CLPB: variants seen among roughly 807,000 people sequenced by gnomAD.
CLPB encodes the protein mitochondrial disaggregase.
Under a neutral mutation model 78.4 loss-of-function variants are expected in CLPB, and 40 were observed. The observed-to-expected ratio is 0.51, with a 90% confidence interval of 0.40 to 0.66. CLPB has a LOEUF of 0.66. Among genes scored for constraint, CLPB ranks in the 30% least tolerant of loss-of-function variants. CLPB has a pLI of 0.00. For synonymous variants in CLPB, 333 were observed against 348.0 expected, an observed-to-expected ratio of 0.96 and a Z score of 0.48; for missense variants, 780 against 886.9, an observed-to-expected ratio of 0.88 and a Z score of 1.53.
chr11:72,420,498 G>GA (rs546331590), intron 2 of CLPB, among the ~76,000 whole-genome samples: 1,579 of 142,180 alleles, frequency 0.011, 18 homozygotes, highest in African/African-American at 0.034. Flanking sequence ...CATCTCAGGG[G>GA]AAAAAAAAAA....
In CLPB at chr11:72,403,023, GCATTGA is replaced by G. The variant is rs1333055579; in HGVS notation, c.479_484del (p.Val160_Asn161del). The G allele has an allele frequency of 1.2e-6, 2 of 1,613,502 alleles. No individual in the cohort carries two copies. Among genetic ancestry groups the G allele is most frequent in the Non-Finnish European group, 1.7e-6 (2 of 1,180,040 alleles). Reference sequence around the variant, plus strand: ...TGCTGTCCAGCCAAGTCTGTGCTTTGCATTGACATCTGCACCTTCTGACAACAGCCT... The same window carrying G: ...TGCTGTCCAGCCAAGTCTGTGCTTTGCATCTGCACCTTCTGACAACAGCCT... On this transcript the variant is annotated inframe_deletion, in exon 3 of 16. Transcript: ENST00000538039.
At chr11:72,424,873 G>A (rs1282497827) in intron 2 of CLPB, among the ~76,000 whole-genome samples, 1 of 151,752 alleles carries the variant, frequency 6.6e-6, no homozygotes, top group Admixed American at 6.6e-5. Context: ...GGGACAGAAT[G>A]AGACTCCGTC....
chr11:72,414,830 G>A (rs1254730787), intron 2 of CLPB, among the ~76,000 whole-genome samples: 1 of 152,204 alleles, frequency 6.6e-6, no homozygotes, highest in Non-Finnish European at 1.5e-5. Context: ...CATTTCTTGA[G>A]CTGCCTACTA....
intron 13 of CLPB, 35 bp from the exon 14 acceptor site, chr11:72,294,479 T>C: frequency 6.2e-7 from 1 of 1,613,572 alleles, no homozygotes; most frequent in Non-Finnish European, 8.5e-7. Flanking sequence ...ATGAGCTCAG[T>C]GACCCAGAGC....
chr11:72,372,732 G>A (rs766581263), intron 4 of CLPB, among the ~76,000 whole-genome samples: 2 of 152,144 alleles, frequency 1.3e-5, no homozygotes, highest in African/African-American at 4.8e-5. Context: ...TTATTTCCTT[G>A]GGAGCCTTAT....
At chr11:72,383,400 G>A (rs1037466520) in intron 3 of CLPB, among the ~76,000 whole-genome samples, 6 of 151,392 alleles carry the variant, frequency 4.0e-5, no homozygotes, top group East Asian at 1.9e-4. Flanking sequence ...GCGTGGTGGC[G>A]GGCGCCTGTA....
intron 2 of CLPB, among the ~76,000 whole-genome samples, chr11:72,404,515 A>G (rs1855648447): frequency 6.6e-6 from 1 of 152,238 alleles, no homozygotes; most frequent in African/African-American, 2.4e-5. Flanking sequence ...TTTCGAAGGC[A>G]CTGTCAAAGC....
intron 5 of CLPB, among the ~76,000 whole-genome samples, chr11:72,356,200 G>A (rs1043277922): frequency 6.6e-6 from 1 of 151,496 alleles, no homozygotes; most frequent in East Asian, 1.9e-4. Flanking sequence ...TAGGAGAATC[G>A]CTTGAAGGCG....
chr11:72,307,316 GAAT>G (rs1294067617), intron 8 of CLPB, 62 bp from the exon 9 acceptor site: 4 of 1,348,432 alleles, frequency 3.0e-6, no homozygotes, highest in African/African-American at 1.4e-5. Context: ...TGGAATGAAA[GAAT>G]ACTAGAAATG....
chr11:72,347,292 A>C (rs1950534103), intron 5 of CLPB, among the ~76,000 whole-genome samples: 1 of 152,156 alleles, frequency 6.6e-6, no homozygotes, highest in Admixed American at 6.5e-5. Flanking sequence ...CTCTGTCTCT[A>C]CAAAATTATT....
At chr11:72,377,095 T>C (rs1419492323) in intron 4 of CLPB, among the ~76,000 whole-genome samples, 1 of 152,086 alleles carries the variant, frequency 6.6e-6, no homozygotes, top group Admixed American at 6.5e-5. Flanking sequence ...GACAGGAAAA[T>C]ACGACAAATG....
intron 3 of CLPB, among the ~76,000 whole-genome samples, chr11:72,394,857 T>C (rs1355431407): frequency 6.6e-6 from 1 of 152,180 alleles, no homozygotes; most frequent in Non-Finnish European, 1.5e-5. Context: ...TGGGGAATAC[T>C]GGGTACTGTC....
At chr11:72,296,570 T>A (rs577631387) in intron 11 of CLPB, among the ~76,000 whole-genome samples, 1 of 152,224 alleles carries the variant, frequency 6.6e-6, no homozygotes, top group Non-Finnish European at 1.5e-5. Context: ...GCACTTTATG[T>A]CATTTATAAC....
At chr11:72,405,895 G>A (rs866032318) in intron 2 of CLPB, among the ~76,000 whole-genome samples, 27 of 151,360 alleles carry the variant, frequency 1.8e-4, no homozygotes, top group African/African-American at 5.8e-4. Flanking sequence ...ACCACTGCAC[G>A]CCAGCCCGGG....
intron 3 of CLPB, among the ~76,000 whole-genome samples, chr11:72,386,187 T>C (rs1203134767): frequency 1.3e-5 from 2 of 151,736 alleles, no homozygotes; most frequent in Non-Finnish European, 2.9e-5. Context: ...AAACAGAAAA[T>C]AGAATCACAC....
At chr11:72,378,757 T>G (rs1854802069) in intron 4 of CLPB, among the ~76,000 whole-genome samples, 1 of 152,094 alleles carries the variant, frequency 6.6e-6, no homozygotes, top group African/African-American at 2.4e-5. Context: ...AATTCTCTGT[T>G]TAAAACATAA....
At chr11:72,331,355 G>C (rs991999990) in intron 5 of CLPB, among the ~76,000 whole-genome samples, 2 of 150,664 alleles carry the variant, frequency 1.3e-5, no homozygotes, top group African/African-American at 4.9e-5. Flanking sequence ...AGTGAGCAGA[G>C]ATCGCGCCAC....
At chr11:72,407,957 A>C in intron 2 of CLPB, 1 of 629,062 alleles carries the variant, frequency 1.6e-6, no homozygotes, top group Non-Finnish European at 2.8e-6. Flanking sequence ...TCTGCCACCT[A>C]CTATTCTAAC....
intron 3 of CLPB, among the ~76,000 whole-genome samples, chr11:72,390,921 CTGG>C (rs1354150248): frequency 1.3e-5 from 2 of 152,174 alleles, no homozygotes; most frequent in East Asian, 3.8e-4. Context: ...GTGTCCACCA[CTGG>C]GGGGACAGAT....
Sources: gnomAD v4.1 joint callset for allele counts (sites outside exome capture counted in the v4.1 genomes callset) on GRCh38, gnomAD v4.1.1 for gene constraint, MANE v1.5 for transcripts, NCBI Gene and HGNC (gene_info 2026-07-23, HGNC 2026-07-21) for gene names.